Variants in SMS observed in about 807,000 individuals in gnomAD.
The protein encoded by SMS is spermidine aminopropyltransferase.
SMS carries 3 observed loss-of-function variants against 33.0 expected under a neutral mutation model. The observed-to-expected ratio is 0.09, with a 90% confidence interval of 0.04 to 0.23. The LOEUF (loss-of-function observed/expected upper bound fraction) is 0.23, where lower values mean the gene tolerates loss of function less well. SMS is among the 10% of genes least tolerant of loss of function. The probability of loss-of-function intolerance (pLI) is 1.00; values close to 1 mark genes in which losing one functional copy is unlikely to be tolerated. For synonymous variants in SMS, 103 were observed against 112.2 expected (o/e 0.92, Z 0.52); for missense variants, 117 against 288.6 (o/e 0.41, Z 4.31).
chrX:21,962,484 T>C (rs762082009), intron 1 of SMS, among the ~76,000 whole-genome samples: 213 of 111,444 alleles, frequency 1.9e-3, no homozygotes, highest in Non-Finnish European at 3.6e-3. Flanking sequence ...GGTAGGGGGT[T>C]TCTTTTCCTT....
intron 9 of SMS, among the ~76,000 whole-genome samples, chrX:21,985,637 T>A (rs1045996224): frequency 8.9e-6 from 1 of 111,883 alleles, no homozygotes; most frequent in Non-Finnish European, 1.9e-5. Flanking sequence ...ATATATCTCC[T>A]ATTGAAATCC....
intron 1 of SMS, among the ~76,000 whole-genome samples, chrX:21,954,467 C>T (rs1280584974): frequency 8.9e-6 from 1 of 112,547 alleles, no homozygotes; most frequent in Non-Finnish European, 1.9e-5. Flanking sequence ...CCAAGCCCTT[C>T]ACATGGCTGC....
chrX:21,952,417 GTTTGT>G (rs141349904), intron 1 of SMS, among the ~76,000 whole-genome samples: 17,432 of 71,453 alleles, frequency 0.24, 1,528 homozygotes, highest in Admixed American at 0.36. Flanking sequence ...TTGTTTGTTT[GTTTGT>G]TTTTTTTTTT....
At chrX:21,976,807 A>G (rs1478625958) in intron 4 of SMS, among the ~76,000 whole-genome samples, 2 of 112,270 alleles carry the variant, frequency 1.8e-5, no homozygotes, top group Non-Finnish European at 1.9e-5. Flanking sequence ...TGCAGTGGCC[A>G]TCTTCTCCTT....
chrX:21,979,035 T>C (rs1924724345), intron 7 of SMS, 69 bp downstream of exon 7: 4 of 769,611 alleles, frequency 5.2e-6, no homozygotes, highest in Non-Finnish European at 8.1e-6. Flanking sequence ...GAATTGTGCC[T>C]TATTAAAACA....
At chrX:21,979,510 A>G (rs995542115) in intron 7 of SMS, among the ~76,000 whole-genome samples, 1 of 110,483 alleles carries the variant, frequency 9.1e-6, no homozygotes, top group African/African-American at 3.3e-5. Context: ...AGCTTCATCC[A>G]TGTCCTTGCA....
intron 9 of SMS, among the ~76,000 whole-genome samples, chrX:21,989,398 C>G (rs1157617508): frequency 1.8e-5 from 2 of 112,013 alleles, no homozygotes; most frequent in South Asian, 7.4e-4. Flanking sequence ...AAACCAATGA[C>G]TAATAAAATC....
chrX:21,978,912 C>T lies in SMS; in HGVS notation c.696C>T (p.Tyr232=), dbSNP rs750930835. The stretch of plus-strand genomic sequence containing the variant: ...TGGTGATTGATGGGTGTAAGAAATA[C>T]ATGCGAAAAACGTGTGGCGATGTCT... The part of the protein sequence containing the change: ...DQMVIDGCKK[Y]MRKTCGDVLD... Residue 232 remains tyrosine, a synonymous_variant, in exon 7 of 11, where the codon TAC becomes TAT. Transcript: ENST00000404933. 27 of 1,206,643 alleles carry T rather than the reference C, an allele frequency of 2.2e-5. No homozygotes were observed. The highest frequency in any genetic ancestry group is 1.8e-5 in the Non-Finnish European group (16 of 891,909).
At chrX:21,955,475 G>T (rs1291804124) in intron 1 of SMS, among the ~76,000 whole-genome samples, 1 of 112,088 alleles carries the variant, frequency 8.9e-6, no homozygotes, top group East Asian at 2.8e-4. Context: ...AAAAGTAAGG[G>T]CTGGTCACTT....
chrX:21,987,099 G>A (rs1181751841), intron 9 of SMS, among the ~76,000 whole-genome samples: 10 of 106,768 alleles, frequency 9.4e-5, no homozygotes, highest in African/African-American at 3.5e-4. Context: ...GGGTTCAAGC[G>A]ATTCTCCTGC....
chrX:21,964,811 TG>T (rs1923586936), intron 1 of SMS, among the ~76,000 whole-genome samples: 1 of 112,089 alleles, frequency 8.9e-6, no homozygotes, highest in East Asian at 2.8e-4. Flanking sequence ...AAACGAATTT[TG>T]GGCAGGTGTA....
At chrX:21,993,727 C>T (rs1353500812) in intron 10 of SMS, among the ~76,000 whole-genome samples, 1 of 112,727 alleles carries the variant, frequency 8.9e-6, no homozygotes, top group Admixed American at 9.4e-5. Context: ...CTCCTACCAA[C>T]TGTCCACCTT....
chrX:21,972,524 G>A lies in SMS; in HGVS notation c.282G>A (p.Glu94=), dbSNP rs1232615599. ...AATTGTAGATTTTGAACAAAGTAGA[G>A]GAAAGAATGAAAGAATTGAGTCAGG... ...EEIDSILNKV[E]ERMKELSQDS... is the part of the protein sequence containing the mutation. The change falls in exon 4 of 11, where the codon GAG becomes GAA. Residue 94 remains glutamate, a synonymous_variant. Transcript: ENST00000404933. 5.1e-6 allele frequency: 6 copies of A among 1,187,462 alleles called. No individual in the cohort carries two copies. The highest frequency in any genetic ancestry group is 6.9e-6 in the Non-Finnish European group (6 of 874,850).
At chrX:21,965,214 A>C (rs1456614322) in intron 1 of SMS, among the ~76,000 whole-genome samples, 1 of 112,048 alleles carries the variant, frequency 8.9e-6, no homozygotes, top group Non-Finnish European at 1.9e-5. Flanking sequence ...TTTCCAAAGA[A>C]AGTCACATCC....
intron 7 of SMS, among the ~76,000 whole-genome samples, chrX:21,982,692 G>GGA (rs1284433573): frequency 8.9e-6 from 1 of 112,670 alleles, no homozygotes; most frequent in Non-Finnish European, 1.9e-5. Flanking sequence ...GTTATTACCT[G>GGA]GAGAGATGTT....
At chrX:21,952,353 A>G (rs888260699) in intron 1 of SMS, among the ~76,000 whole-genome samples, 6 of 109,009 alleles carry the variant, frequency 5.5e-5, no homozygotes, top group African/African-American at 1.7e-4. Context: ...TCTTTTTTGC[A>G]TAAATTAATA....
chrX:21,976,063 C>CT (rs920123693), intron 4 of SMS, among the ~76,000 whole-genome samples: 16 of 110,698 alleles, frequency 1.4e-4, no homozygotes, highest in Admixed American at 2.9e-4. Context: ...TTTTCCAGGT[C>CT]TTTTTTTTCC....
intron 9 of SMS, among the ~76,000 whole-genome samples, chrX:21,990,812 G>T (rs954517748): frequency 5.3e-5 from 6 of 112,747 alleles, no homozygotes; most frequent in Admixed American, 1.9e-4. Context: ...AAACAACTGG[G>T]CAGTTTTCTA....
Position 21,975,100 on chromosome X carries a change from A to G in SMS, c.330-1961A>G, listed in dbSNP as rs1048012998. On this transcript the variant is annotated intron_variant, in intron 4 of 10. Transcript: ENST00000404933. ...ACTTTGATTTTAAAAGGTTCTTGCA[A>G]TTTACACAGTATACCTAAGGCCTGG... Among the ~76,000 whole-genome samples, 3 of 111,212 alleles carry G rather than the reference A, an allele frequency of 2.7e-5. No individual in the cohort carries two copies. The Admixed American group carries it at 2.9e-4, about 11-fold the overall frequency.
Sources: gnomAD v4.1 joint callset for allele counts (sites outside exome capture counted in the v4.1 genomes callset) on GRCh38, gnomAD v4.1.1 for gene constraint, MANE v1.5 for transcripts, NCBI Gene and HGNC (gene_info 2026-07-23, HGNC 2026-07-21) for gene names.